ASTN2: variants seen among roughly 807,000 people sequenced by gnomAD.
ASTN2 encodes astrotactin 2, also known as astrotactin-2.
Under a neutral mutation model 139.8 loss-of-function variants are expected in ASTN2, and 54 were observed. The observed-to-expected ratio is 0.39, with a 90% CI of 0.31 to 0.48. ASTN2 has a LOEUF of 0.48. ASTN2 is among the 20% of genes least tolerant of loss of function. ASTN2 has a pLI of 0.95. For synonymous variants in ASTN2, 756 were observed against 719.5 expected (o/e 1.05, Z -0.81); for missense variants, 1,565 against 1,725.1 (o/e 0.91, Z 1.64).
At chr9:116,791,888 G>A (rs1830570754) in intron 13 of ASTN2, among the ~76,000 whole-genome samples, 1 of 152,150 alleles carries the variant, frequency 6.6e-6, no homozygotes, top group Admixed American at 6.5e-5. Context: ...GGGGGAAAGC[G>A]AGCTGTGAAG....
At chr9:116,762,754 T>C (rs944241499) in intron 13 of ASTN2, among the ~76,000 whole-genome samples, 1 of 152,236 alleles carries the variant, frequency 6.6e-6, no homozygotes, top group Non-Finnish European at 1.5e-5. Context: ...ATGCAAGAGT[T>C]GTCTATGGCT....
intron 13 of ASTN2, among the ~76,000 whole-genome samples, chr9:116,774,430 TTC>T (rs1830029425): frequency 6.6e-6 from 1 of 152,228 alleles, no homozygotes; most frequent in Admixed American, 6.5e-5. Flanking sequence ...AGAAGCTTTC[TTC>T]TGGTGGAAAA....
At chr9:117,265,656 A>G (rs997627897) in intron 2 of ASTN2, among the ~76,000 whole-genome samples, 3 of 152,210 alleles carry the variant, frequency 2.0e-5, no homozygotes, top group African/African-American at 7.2e-5. Flanking sequence ...TCACCAACCA[A>G]TTAAGAAATA....
intron 1 of ASTN2, among the ~76,000 whole-genome samples, chr9:117,293,519 C>A (rs147729116): frequency 6.6e-6 from 1 of 152,300 alleles, no homozygotes; most frequent in Non-Finnish European, 1.5e-5. Context: ...TTGAGATAAT[C>A]ACGAAGGTTT....
At chr9:117,363,860 C>T (rs1315341432) in intron 1 of ASTN2, among the ~76,000 whole-genome samples, 1 of 152,172 alleles carries the variant, frequency 6.6e-6, no homozygotes, top group Non-Finnish European at 1.5e-5. Flanking sequence ...CACCGGCAGA[C>T]ATCTATCTTT....
chr9:116,837,258 C>A (rs1008936245), intron 11 of ASTN2, among the ~76,000 whole-genome samples: 2 of 152,136 alleles, frequency 1.3e-5, no homozygotes, highest in African/African-American at 4.8e-5. Context: ...TGCCTCTTTG[C>A]TGAGGTTTTA....
intron 10 of ASTN2, among the ~76,000 whole-genome samples, chr9:116,943,908 C>A (rs1207721526): frequency 1.3e-5 from 2 of 152,118 alleles, no homozygotes; most frequent in Admixed American, 6.5e-5. Context: ...ATGATGAGTA[C>A]TAAAAATATA....
At chr9:116,816,743 G>A (rs1408456762) in intron 12 of ASTN2, among the ~76,000 whole-genome samples, 4 of 152,056 alleles carry the variant, frequency 2.6e-5, no homozygotes, top group African/African-American at 4.8e-5. Context: ...TGCAGCCCCA[G>A]AGAAAGGATG....
intron 6 of ASTN2, among the ~76,000 whole-genome samples, chr9:117,015,218 C>T (rs2132600769): frequency 6.6e-6 from 1 of 152,158 alleles, no homozygotes; most frequent in African/African-American, 2.4e-5. Context: ...AGGATTTTGA[C>T]ATGTTGCCCA....
chr9:117,307,771 C>T (rs538860196), intron 1 of ASTN2, among the ~76,000 whole-genome samples: 4 of 152,302 alleles, frequency 2.6e-5, no homozygotes, highest in Admixed American at 2.6e-4. Context: ...TCCTCAAATA[C>T]ATGGGTACAT....
chr9:116,832,262 T>C (rs769321221), intron 11 of ASTN2, among the ~76,000 whole-genome samples: 1 of 152,180 alleles, frequency 6.6e-6, no homozygotes, highest in African/African-American at 2.4e-5. Context: ...AGATTTTCTA[T>C]GTAAAAAAAT....
At position 117,208,267 on chromosome 9, in the gene ASTN2, G is replaced by T. The variant is rs1002489461; in HGVS notation, c.1015+6091C>A. ...GTCAATTTAACTATATCAAGAAAATGATTCATGATTTACATGATACATTCA... is the reference window on the plus strand; with the variant it reads ...GTCAATTTAACTATATCAAGAAAATTATTCATGATTTACATGATACATTCA... On this transcript the variant is annotated intron_variant, in intron 3 of 22. Coordinates refer to ENST00000313400, the MANE Select transcript of ASTN2 (RefSeq NM_001365068.1). Among the ~76,000 whole-genome samples the T allele has an allele frequency of 3.3e-5, 5 of 152,000 alleles. No homozygotes were observed. The East Asian group carries it at 7.7e-4, about 23-fold the overall frequency.
chr9:116,760,076 T>C (rs1218467987), intron 13 of ASTN2, among the ~76,000 whole-genome samples: 1 of 152,152 alleles, frequency 6.6e-6, no homozygotes, highest in Non-Finnish European at 1.5e-5. Flanking sequence ...TTTAGGAGCT[T>C]ACCAAAAAAA....
intron 10 of ASTN2, among the ~76,000 whole-genome samples, chr9:116,931,908 T>C (rs1188756371): frequency 6.6e-6 from 1 of 151,786 alleles, no homozygotes; most frequent in Non-Finnish European, 1.5e-5. Context: ...GTAGAGAGAG[T>C]AAGCATCCAG....
intron 1 of ASTN2, among the ~76,000 whole-genome samples, chr9:117,394,135 C>T (rs186721232): frequency 7.6e-4 from 115 of 152,282 alleles, no homozygotes; most frequent in African/African-American, 2.6e-3. Context: ...AAAGTCAGTG[C>T]TACCAACATT....
At chr9:116,847,027 C>CAA (rs1268575720) in intron 11 of ASTN2, among the ~76,000 whole-genome samples, 1 of 110,392 alleles carries the variant, frequency 9.1e-6, no homozygotes, top group African/African-American at 4.1e-5. Context: ...AAAAAAAAAA[C>CAA]AAAAAACAAA....
At chr9:117,354,281 C>T (rs1409695215) in intron 1 of ASTN2, among the ~76,000 whole-genome samples, 2 of 151,968 alleles carry the variant, frequency 1.3e-5, no homozygotes, top group African/African-American at 4.8e-5. Context: ...GCAGATGAGG[C>T]CCCTCATCAT....
intron 19 of ASTN2, among the ~76,000 whole-genome samples, chr9:116,615,469 C>A (rs1362835067): frequency 1.3e-5 from 2 of 151,952 alleles, no homozygotes. Flanking sequence ...AGACTTGGAA[C>A]CAACCCAAAT....
intron 19 of ASTN2, chr9:116,584,009 C>G (rs1032896419): frequency 2.0e-5 from 3 of 152,166 alleles, no homozygotes; most frequent in Non-Finnish European, 2.9e-5. Flanking sequence ...CAAATTCAAC[C>G]CACCCAAATC....
Sources: allele counts gnomAD v4.1 joint callset (sites outside exome capture counted in the v4.1 genomes callset), GRCh38; gene constraint gnomAD v4.1.1; transcripts MANE v1.5; gene names NCBI Gene and HGNC (gene_info 2026-07-23, HGNC 2026-07-21).